The following BATF variants were observed in gnomAD, a reference collection of about 807,000 sequenced individuals.
BATF encodes basic leucine zipper ATF-like transcription factor.
A neutral mutation model predicts 13.7 loss-of-function variants in BATF; 5 were observed. The ratio of observed to expected loss-of-function variants is 0.36; its 90% CI spans 0.19 to 0.77. The LOEUF (loss-of-function observed/expected upper bound fraction) is 0.77. Among genes scored for constraint, BATF ranks in the 30% least tolerant of loss-of-function variants. BATF has a pLI of 0.51. For synonymous variants in BATF, 72 were observed against 67.5 expected (o/e 1.07, Z -0.33); for missense variants, 124 against 163.0 (o/e 0.76, Z 1.30).
In BATF at chr14:75,529,861, G is replaced by A. The variant is rs58774785; in HGVS notation, c.168+4673G>A. On this transcript the variant is annotated intron_variant, in intron 2 of 2. Transcript: ENST00000286639. ...GGGCGGATCACGAGGTCAGCAGATC[G>A]AGACCATCCTGGCTAACACAGTGAA... 9.8e-3 allele frequency among the ~76,000 whole-genome samples: 1,488 copies of A among 152,122 alleles called. 29 individuals are homozygous for A. Among genetic ancestry groups the A allele is most frequent in the African/African-American group, 0.033 (1,380 of 41,512 alleles).
chr14:75,532,928 G>C, intron 2 of BATF, among the ~76,000 whole-genome samples: 1 of 152,204 alleles, frequency 6.6e-6, no homozygotes, highest in East Asian at 1.9e-4. Context: ...GCAGTTATGA[G>C]TGGTTGAGTT....
At chr14:75,536,024 T>C (rs1210329915) in intron 2 of BATF, among the ~76,000 whole-genome samples, 1 of 152,226 alleles carries the variant, frequency 6.6e-6, no homozygotes, top group African/African-American at 2.4e-5. Flanking sequence ...AACAAATATT[T>C]ATCAGCCAGG....
chr14:75,525,701 T>G (rs1266398705), intron 2 of BATF, among the ~76,000 whole-genome samples: 4 of 147,726 alleles, frequency 2.7e-5, no homozygotes, highest in Non-Finnish European at 5.9e-5. Context: ...TAGCAGGGAA[T>G]GGGCCAGGAG....
chr14:75,525,234 C>T, intron 2 of BATF, 46 bp downstream of exon 2: 1 of 1,564,570 alleles, frequency 6.4e-7, no homozygotes, highest in Non-Finnish European at 8.7e-7. Flanking sequence ...TTAGGCTTTG[C>T]CCTCCGCCAT....
intron 2 of BATF, among the ~76,000 whole-genome samples, chr14:75,540,325 G>A (rs1177264603): frequency 1.3e-5 from 2 of 152,138 alleles, no homozygotes; most frequent in African/African-American, 2.4e-5. Flanking sequence ...CCCTCCAGTA[G>A]GGGATTTCCC....
chr14:75,535,480 T>G (rs1399128438), intron 2 of BATF, among the ~76,000 whole-genome samples: 1 of 152,114 alleles, frequency 6.6e-6, no homozygotes, highest in East Asian at 1.9e-4. Context: ...ATCATGGGCG[T>G]TTTTAACTTT....
At chr14:75,536,059 A>G (rs1887811610) in intron 2 of BATF, among the ~76,000 whole-genome samples, 1 of 152,366 alleles carries the variant, frequency 6.6e-6, no homozygotes, top group South Asian at 2.1e-4. Context: ...GGCACTGAGA[A>G]TATTGCAGGG....
chr14:75,540,046 C>T (rs1454565273), intron 2 of BATF, among the ~76,000 whole-genome samples: 5 of 152,100 alleles, frequency 3.3e-5, no homozygotes, highest in Non-Finnish European at 7.4e-5. Flanking sequence ...GATTACATGT[C>T]CTGTTGAGGA....
chr14:75,545,912 G>A (rs1887977612), intron 2 of BATF, among the ~76,000 whole-genome samples: 2 of 152,048 alleles, frequency 1.3e-5, no homozygotes, highest in African/African-American at 2.4e-5. Flanking sequence ...AGGCTGGAGT[G>A]CAGTGGCTCA....
chr14:75,525,040 G>A, intron 1 of BATF, 44 bp from the exon 2 acceptor site: 1 of 1,518,548 alleles, frequency 6.6e-7, no homozygotes, highest in African/African-American at 1.4e-5. Flanking sequence ...TCACTCAGAA[G>A]GGAGATGCAG....
intron 2 of BATF, among the ~76,000 whole-genome samples, chr14:75,545,078 G>A (rs1887960933): frequency 6.6e-6 from 1 of 152,080 alleles, no homozygotes; most frequent in East Asian, 1.9e-4. Flanking sequence ...AAGCAACAGG[G>A]AAAAGAGTTT....
chr14:75,533,325 G>A (rs1887766359), intron 2 of BATF, among the ~76,000 whole-genome samples: 1 of 151,888 alleles, frequency 6.6e-6, no homozygotes, highest in Non-Finnish European at 1.5e-5. Context: ...CTACTCGGGA[G>A]GATGAGGCAG....
intron 2 of BATF, among the ~76,000 whole-genome samples, chr14:75,545,715 C>G (rs1887973283): frequency 6.6e-6 from 1 of 152,074 alleles, no homozygotes; most frequent in Admixed American, 6.6e-5. Flanking sequence ...CTTCCATTTC[C>G]TTAGGCTCTG....
intron 2 of BATF, among the ~76,000 whole-genome samples, chr14:75,531,637 T>A (rs1294168719): frequency 6.6e-6 from 1 of 152,232 alleles, no homozygotes; most frequent in East Asian, 1.9e-4. Flanking sequence ...GCTCCAGGGA[T>A]GTGCTTTGTC....
chr14:75,541,065 G>A (rs528706579), intron 2 of BATF, among the ~76,000 whole-genome samples: 1 of 152,258 alleles, frequency 6.6e-6, no homozygotes, highest in South Asian at 2.1e-4. Context: ...TCCCAGTCTG[G>A]GCAACAGAGA....
rs556788903 is a variant in BATF, at chr14:75,538,185, C to T, written c.169-8277C>T. On this transcript the variant is annotated intron_variant, in intron 2 of 2. Coordinates refer to ENST00000286639, the MANE Select transcript of BATF (RefSeq NM_006399.5). ...TGTTGCCCAGGCTGGTCTCAAACTT[C>T]CGGGCTCAAATGACCCTCCTGCCAA... is the stretch of plus-strand genomic sequence containing the variant. Among the ~76,000 whole-genome samples the T allele has an allele frequency of 2.0e-5, 3 of 152,298 alleles. No homozygotes were observed. In the East Asian group the frequency reaches 5.8e-4, roughly 29 times the overall value.
At chr14:75,544,394 G>A (rs2300604) in intron 2 of BATF, among the ~76,000 whole-genome samples, 35,809 of 151,422 alleles carry the variant, frequency 0.24, 4,395 homozygotes, top group South Asian at 0.32. Flanking sequence ...GTGAAACCCC[G>A]TCTCTACTAA....
At chr14:75,528,914 T>G (rs1317709864) in intron 2 of BATF, among the ~76,000 whole-genome samples, 1 of 151,886 alleles carries the variant, frequency 6.6e-6, no homozygotes, top group African/African-American at 2.4e-5. Flanking sequence ...CAACAGCAAA[T>G]GGAAGGAAGG....
At chr14:75,529,374 T>C (rs2734270) in intron 2 of BATF, among the ~76,000 whole-genome samples, 140,622 of 152,248 alleles carry the variant, frequency 0.92, 64,950 homozygotes, top group Middle Eastern at 0.96. Flanking sequence ...TGGCTCACGC[T>C]TGTAATCCTA....
Sources: allele counts gnomAD v4.1 joint callset (sites outside exome capture counted in the v4.1 genomes callset), GRCh38; gene constraint gnomAD v4.1.1; transcripts MANE v1.5; gene names NCBI Gene and HGNC (gene_info 2026-07-23, HGNC 2026-07-21).